TMEM132C: variants seen among roughly 807,000 people sequenced by gnomAD.
TMEM132C encodes the protein protein phosphatase 1, regulatory subunit 152.
A neutral mutation model predicts 61.4 loss-of-function variants in TMEM132C; 29 were observed. The observed-to-expected ratio is 0.47, with a 90% CI of 0.35 to 0.64. The LOEUF is 0.64. TMEM132C is among the 30% of genes least tolerant of loss of function. The pLI, the probability that TMEM132C is intolerant of heterozygous loss-of-function variation, is 0.00. For synonymous variants in TMEM132C, 656 were observed against 633.1 expected, an observed-to-expected ratio of 1.04 and a Z score of -0.54; for missense variants, 1,408 against 1,476.9, an observed-to-expected ratio of 0.95 and a Z score of 0.76.
At chr12:128,491,548 C>T (rs1369550201) in intron 2 of TMEM132C, among the ~76,000 whole-genome samples, 1 of 152,166 alleles carries the variant, frequency 6.6e-6, no homozygotes, top group Non-Finnish European at 1.5e-5. Flanking sequence ...CTGAGAGCTG[C>T]AAGCACACGA....
rs143451857 is a variant in TMEM132C at position 128,397,269 on chromosome 12, G to T, written c.86-17463G>T. ...GCCATAGGGTTTGCTTAACCTGAAG[G>T]CTTTGGTCCCACAGAGGGGAGAGAA... is the stretch of plus-strand genomic sequence containing the variant. On this transcript the variant is annotated intron_variant, in intron 1 of 8. Coordinates refer to ENST00000435159, the MANE Select transcript of TMEM132C (RefSeq NM_001136103.3). Among the ~76,000 whole-genome samples the T allele has an allele frequency of 2.1e-4, 32 of 152,344 alleles. No individual in the cohort carries two copies. The East Asian group carries it at 6.2e-3, about 29-fold the overall frequency.
In TMEM132C at chr12:128,314,038, G is replaced by A. The variant is rs548035927; in HGVS notation, c.85+46551G>A. 5.9e-5 allele frequency among the ~76,000 whole-genome samples: 9 copies of A among 152,262 alleles called. No homozygotes were observed. In the South Asian group the frequency reaches 1.2e-3, roughly 21 times the overall value. On this transcript the variant is annotated intron_variant, in intron 1 of 8. Coordinates refer to ENST00000435159, the MANE Select transcript of TMEM132C (RefSeq NM_001136103.3). ...ACTCACAGCTGAGAAGAAAGGGTGGGAAACCCTAGAAATGGTTAGGGTCCC... is the reference window on the plus strand; with the variant it reads ...ACTCACAGCTGAGAAGAAAGGGTGGAAAACCCTAGAAATGGTTAGGGTCCC...
intron 2 of TMEM132C, among the ~76,000 whole-genome samples, chr12:128,535,592 G>A (rs375208192): frequency 2.2e-4 from 34 of 152,134 alleles, no homozygotes; most frequent in African/African-American, 5.1e-4. Flanking sequence ...AAAACAGGCC[G>A]GTGCAGTGGC....
At chr12:128,622,362 T>A (rs7294459) in intron 4 of TMEM132C, among the ~76,000 whole-genome samples, 2,644 of 22,568 alleles carry the variant, frequency 0.12, 105 homozygotes, top group African/African-American at 0.19. Flanking sequence ...AAAAAAAAAA[T>A]ATATATATAT....
intron 2 of TMEM132C, among the ~76,000 whole-genome samples, chr12:128,502,910 G>T (rs1872231002): frequency 6.6e-6 from 1 of 152,194 alleles, no homozygotes; most frequent in South Asian, 2.1e-4. Flanking sequence ...TGCTCCATCT[G>T]CTCTGATCTC....
chr12:128,575,624 G>C (rs1565978877), intron 3 of TMEM132C, among the ~76,000 whole-genome samples: 2 of 152,194 alleles, frequency 1.3e-5, no homozygotes, highest in Non-Finnish European at 2.9e-5. Flanking sequence ...TTATAAGTGG[G>C]TGAAAAGCTG....
intron 3 of TMEM132C, among the ~76,000 whole-genome samples, chr12:128,559,599 G>A (rs1874447226): frequency 6.6e-6 from 1 of 152,168 alleles, no homozygotes; most frequent in African/African-American, 2.4e-5. Context: ...TAAGCTGTTT[G>A]ATCCTTTGAG....
At chr12:128,454,645 G>A (rs1319244012) in intron 2 of TMEM132C, among the ~76,000 whole-genome samples, 1 of 152,220 alleles carries the variant, frequency 6.6e-6, no homozygotes, top group Non-Finnish European at 1.5e-5. Flanking sequence ...AGGACCTCCA[G>A]GATGGAGCGC....
chr12:128,320,055 C>A (rs2135934084), intron 1 of TMEM132C, among the ~76,000 whole-genome samples: 1 of 152,206 alleles, frequency 6.6e-6, no homozygotes, highest in African/African-American at 2.4e-5. Flanking sequence ...GTTGAATCAG[C>A]CCTATAGTCC....
intron 1 of TMEM132C, among the ~76,000 whole-genome samples, chr12:128,334,388 TC>T (rs1872741755): frequency 6.6e-6 from 1 of 152,168 alleles, no homozygotes; most frequent in Admixed American, 6.5e-5. Context: ...GCATTCTCAT[TC>T]CTCAGTGCCA....
In TMEM132C at chr12:128,560,091, A is replaced by G. The variant is rs137918489; in HGVS notation, c.1121+15988A>G. On this transcript the variant is annotated intron_variant, in intron 3 of 8. Transcript: ENST00000435159. ...AGTGAGACCCTGTCTCTACAAAAAT[A>G]CAAAAGTTAGCCAGGCATGGTGGCA... 1.1e-3 allele frequency among the ~76,000 whole-genome samples: 163 copies of G among 152,224 alleles called. 1 individual carries two copies. Among genetic ancestry groups the G allele is most frequent in the African/African-American group, 3.8e-3 (156 of 41,540 alleles).
At chr12:128,337,755 A>T (rs1056195680) in intron 1 of TMEM132C, among the ~76,000 whole-genome samples, 2 of 152,176 alleles carry the variant, frequency 1.3e-5, no homozygotes, top group Non-Finnish European at 2.9e-5. Flanking sequence ...GGGAGAGTTC[A>T]TAGCACTCCT....
At chr12:128,590,189 G>T (rs1875702349) in intron 3 of TMEM132C, among the ~76,000 whole-genome samples, 1 of 152,226 alleles carries the variant, frequency 6.6e-6, no homozygotes, top group African/African-American at 2.4e-5. Flanking sequence ...CAATGTGGAA[G>T]TCAGAGTTAG....
At chr12:128,596,832 G>T (rs1875972755) in intron 3 of TMEM132C, among the ~76,000 whole-genome samples, 1 of 152,250 alleles carries the variant, frequency 6.6e-6, no homozygotes, top group Non-Finnish European at 1.5e-5. Flanking sequence ...TCCCACTGAA[G>T]ACTGTTTGTT....
intron 3 of TMEM132C, among the ~76,000 whole-genome samples, chr12:128,600,520 G>A (rs1324799115): frequency 6.6e-6 from 1 of 152,176 alleles, no homozygotes; most frequent in East Asian, 1.9e-4. Context: ...GTGCTGCAGC[G>A]AGAATTGGAT....
chr12:128,356,019 C>G (rs1873493937), intron 1 of TMEM132C, among the ~76,000 whole-genome samples: 1 of 152,126 alleles, frequency 6.6e-6, no homozygotes, highest in African/African-American at 2.4e-5. Flanking sequence ...TTGTTGATCT[C>G]TGCTTTATCT....
chr12:128,370,747 G>A (rs916852763), intron 1 of TMEM132C, among the ~76,000 whole-genome samples: 4 of 152,078 alleles, frequency 2.6e-5, no homozygotes, highest in African/African-American at 9.7e-5. Flanking sequence ...CTCAGAGAAA[G>A]GCAGTGTGGA....
At chr12:128,428,550 C>T (rs562119286) in intron 2 of TMEM132C, among the ~76,000 whole-genome samples, 30 of 152,292 alleles carry the variant, frequency 2.0e-4, no homozygotes, top group Non-Finnish European at 4.1e-4. Context: ...ACCTATTTTC[C>T]AGGCTACCCT....
At chr12:128,375,372 G>A (rs939311831) in intron 1 of TMEM132C, among the ~76,000 whole-genome samples, 1 of 152,152 alleles carries the variant, frequency 6.6e-6, no homozygotes, top group Non-Finnish European at 1.5e-5. Flanking sequence ...AAATCCAGGT[G>A]TTGGCAGGGT....
Sources: gnomAD v4.1 joint callset for allele counts (sites outside exome capture counted in the v4.1 genomes callset) on GRCh38, gnomAD v4.1.1 for gene constraint, MANE v1.5 for transcripts, NCBI Gene and HGNC (gene_info 2026-07-23, HGNC 2026-07-21) for gene names.